The following ZUP1 variants were observed in gnomAD, a reference collection of about 807,000 sequenced individuals.
ZUP1 encodes zinc finger containing ubiquitin peptidase 1.
A neutral mutation model predicts 68.1 loss-of-function variants in ZUP1; 55 were observed. The observed-to-expected ratio is 0.81, with a 90% CI of 0.65 to 1.01. The LOEUF (loss-of-function observed/expected upper bound fraction) is 1.01. Among genes scored for constraint, ZUP1 ranks in the 50% least tolerant of loss-of-function variants. The pLI, the probability that ZUP1 is intolerant of heterozygous loss-of-function variation, is 0.00. For missense variants in ZUP1, 684 were observed against 674.9 expected, an observed-to-expected ratio of 1.01 and a Z score of -0.15; for synonymous variants, 223 against 221.5, an observed-to-expected ratio of 1.01 and a Z score of -0.06.
At chr6:116,654,014 C>G (rs942769861) in intron 5 of ZUP1, among the ~76,000 whole-genome samples, 7 of 151,924 alleles carry the variant, frequency 4.6e-5, no homozygotes, top group Admixed American at 4.6e-4. Flanking sequence ...TAAGTGAAGA[C>G]TCTTTAAATG....
intron 4 of ZUP1, among the ~76,000 whole-genome samples, chr6:116,658,557 A>T (rs1398224787): frequency 6.6e-6 from 1 of 152,218 alleles, no homozygotes; most frequent in African/African-American, 2.4e-5. Context: ...TTCATCTGAA[A>T]AAAAAGGGGG....
chr6:116,647,716 G>T, intron 7 of ZUP1, 106 bp from the exon 8 acceptor site: 1 of 859,028 alleles, frequency 1.2e-6, no homozygotes, highest in Non-Finnish European at 1.6e-6. Flanking sequence ...ACTGTTTCTA[G>T]CCATTACTTT....
chr6:116,658,711 T>C, intron 4 of ZUP1, 92 bp downstream of exon 4: 1 of 1,293,912 alleles, frequency 7.7e-7, no homozygotes, highest in Middle Eastern at 2.4e-4. Flanking sequence ...TTTTTTTGAA[T>C]AATAACAAGG....
In ZUP1 at chr6:116,660,926, G is replaced by T. The variant is rs539105071; in HGVS notation, c.560-80C>A. 5.0e-5 allele frequency: 38 copies of T among 763,404 alleles called. No individual in the cohort carries two copies. The South Asian group carries it at 6.2e-4, about 12-fold the overall frequency. The allele number at this position is 763,404 out of a possible 1,614,324, so 47.3% of individuals were successfully genotyped here. ...TTGCTTTTTTTTTTTTTGAGACAGG[G>T]TCTCACTCTGTTGCCCAGGCTGGCG... On this transcript the variant is annotated intron_variant, in intron 2 of 9. Transcript: ENST00000368576.
chr6:116,647,576 G>A lies in ZUP1; in HGVS notation c.1351C>T (p.Pro451Ser). The change falls in exon 8 of 10, where the codon CCT becomes TCT. Residue 451 changes from proline to serine, a missense_variant. Transcript: ENST00000368576. The stretch of plus-strand genomic sequence containing the variant: ...AATAAGCGAGGGTGTGTACCCAAAG[G>A]ACCAGTTGATTTGTGAAAATCAACA... Reference protein sequence around the residue: ...HIVDFHKSTGPLGTHPRLFEW... With the variant: ...HIVDFHKSTGSLGTHPRLFEW... The A allele has an allele frequency of 1.3e-6, 2 of 1,583,214 alleles. No individual in the cohort carries two copies. Among genetic ancestry groups the A allele is most frequent in the South Asian group, 1.2e-5 (1 of 86,564 alleles).
intron 7 of ZUP1, among the ~76,000 whole-genome samples, chr6:116,650,196 G>A (rs561738660): frequency 6.6e-6 from 1 of 152,174 alleles, no homozygotes; most frequent in Admixed American, 6.5e-5. Context: ...GCCGAGGCGG[G>A]TGGATCACCT....
chr6:116,642,055 C>A (rs537318183), intron 9 of ZUP1, among the ~76,000 whole-genome samples: 28 of 152,120 alleles, frequency 1.8e-4, no homozygotes, highest in Non-Finnish European at 3.2e-4. Context: ...ATACTACAAA[C>A]ACCTCTACGC....
At chr6:116,642,021 A>G (rs1045426434) in intron 9 of ZUP1, among the ~76,000 whole-genome samples, 2 of 152,232 alleles carry the variant, frequency 1.3e-5, no homozygotes, top group Admixed American at 1.3e-4. Context: ...CCGATCCCAC[A>G]GAAATACAAA....
intron 9 of ZUP1, among the ~76,000 whole-genome samples, 171 bp downstream of exon 9, chr6:116,645,543 A>G (rs1429092119): frequency 6.7e-6 from 1 of 149,210 alleles, no homozygotes; most frequent in Non-Finnish European, 1.5e-5. Context: ...ATTGCATGCC[A>G]CTGCACTCAG....
chr6:116,650,691 C>T lies in ZUP1; in HGVS notation c.1316+881G>A, dbSNP rs564524866. ...GCTATGAATCAAGGTTAGGCAGTCT[C>T]GCTCCAAAGTTCAAGCTCTTACCTA... On this transcript the variant is annotated intron_variant, in intron 7 of 9. Transcript: ENST00000368576. Among the ~76,000 whole-genome samples the T allele has an allele frequency of 2.0e-5, 3 of 152,190 alleles. 1 individual carries two copies. The highest frequency in any genetic ancestry group is 1.3e-4 in the Admixed American group (2 of 15,286).
chr6:116,642,237 A>T (rs1375155482), intron 9 of ZUP1, among the ~76,000 whole-genome samples: 1 of 152,230 alleles, frequency 6.6e-6, no homozygotes, highest in Non-Finnish European at 1.5e-5. Context: ...ATGGATTCAC[A>T]GCCGAATTCT....
chr6:116,668,288 G>A (rs1030813364), intron 1 of ZUP1, among the ~76,000 whole-genome samples: 2 of 152,152 alleles, frequency 1.3e-5, no homozygotes, highest in Admixed American at 6.5e-5. Flanking sequence ...TCCGGTGGCT[G>A]GGACACGGTC....
intron 1 of ZUP1, 92 bp from the exon 2 acceptor site, chr6:116,667,299 G>T: frequency 1.3e-6 from 1 of 769,514 alleles, no homozygotes; most frequent in Non-Finnish European, 1.9e-6. Flanking sequence ...CTTTAACGCT[G>T]GATTATTTTG....
rs1367046183 is a variant in ZUP1, at chr6:116,663,905, C to T, written c.559+2729G>A. On this transcript the variant is annotated intron_variant, in intron 2 of 9. Coordinates refer to ENST00000368576, the MANE Select transcript of ZUP1 (RefSeq NM_145062.3). The stretch of plus-strand genomic sequence containing the variant: ...AAGGCTGCAGTGAGCCATGATCATG[C>T]CACTGAACTCCAGCCTGGGTGACAT... 3.3e-5 allele frequency among the ~76,000 whole-genome samples: 5 copies of T among 152,034 alleles called. No homozygotes were observed. In the East Asian group the frequency reaches 5.8e-4, roughly 18 times the overall value.
At chr6:116,647,891 AG>A (rs900816781) in intron 7 of ZUP1, among the ~76,000 whole-genome samples, 1 of 152,210 alleles carries the variant, frequency 6.6e-6, no homozygotes, top group African/African-American at 2.4e-5. Flanking sequence ...ACTAACCTAA[AG>A]GTTACAAACA....
At chr6:116,657,363 C>T (rs577233488) in intron 4 of ZUP1, among the ~76,000 whole-genome samples, 3 of 152,172 alleles carry the variant, frequency 2.0e-5, no homozygotes, top group Non-Finnish European at 2.9e-5. Flanking sequence ...AAAGTTTTCA[C>T]GGAAACTTTT....
Position 116,640,241 on chromosome 6 carries a change from G to T in ZUP1, c.1690-4362C>A, listed in dbSNP as rs571961592. ...TGTACCTGAAAGTGACGGGGAGAAT[G>T]GAACCAAGTTGGAAAACACTCTGCA... On this transcript the variant is annotated intron_variant, in intron 9 of 9. Coordinates refer to ENST00000368576, the MANE Select transcript of ZUP1 (RefSeq NM_145062.3). 6.0e-3 allele frequency among the ~76,000 whole-genome samples: 908 copies of T among 152,254 alleles called. 2 individuals carry two copies. The highest frequency in any genetic ancestry group is 9.7e-3 in the Non-Finnish European group (657 of 68,004).
Position 116,651,581 on chromosome 6 carries a change from A to C in ZUP1, c.1307T>G (p.Leu436Arg). 1.2e-6 allele frequency: 2 copies of C among 1,609,664 alleles called. No homozygotes were observed. Among genetic ancestry groups the C allele is most frequent in the Non-Finnish European group, 1.7e-6 (2 of 1,178,150 alleles). The part of the protein sequence containing the change: ...ACEVYILLTS[L>R]RVKCHIVDFH... ...GTTTTAAGGTACATACTTTACCCTT[A>C]GGGAGGTCAGGAGTATATATACTTC... Residue 436 changes from leucine (L) to arginine (R), a missense_variant, in exon 7 of 10, where the codon CTA (leucine) becomes CGA (arginine). Coordinates refer to ENST00000368576, the MANE Select transcript of ZUP1 (RefSeq NM_145062.3).
In ZUP1 at chr6:116,645,913, C is replaced by T; in HGVS notation, c.1490G>A (p.Gly497Glu). The part of the protein sequence containing the change: ...QHQGHSRTVI[G>E]IEEKKNRTLC... ...TGTTCGGTTTTTTTTCTCTTCAATT[C>T]CAATAACAGTTCGACTGTGACCTAT... The change falls in exon 9 of 10, where the codon GGA becomes GAA. Residue 497 changes from glycine to glutamate, a missense_variant. Coordinates refer to ENST00000368576, the MANE Select transcript of ZUP1 (RefSeq NM_145062.3). 1 of 1,612,996 alleles carries T rather than the reference C, an allele frequency of 6.2e-7. No homozygotes were observed. Among genetic ancestry groups the T allele is most frequent in the Non-Finnish European group, 8.5e-7 (1 of 1,179,590 alleles).
Sources: gnomAD v4.1 joint callset for allele counts (sites outside exome capture counted in the v4.1 genomes callset) on GRCh38, gnomAD v4.1.1 for gene constraint, MANE v1.5 for transcripts, NCBI Gene and HGNC (gene_info 2026-07-23, HGNC 2026-07-21) for gene names.